The following CR1L variants were observed in gnomAD, a reference collection of about 807,000 sequenced individuals.
The protein encoded by CR1L is complement C3b/C4b receptor 1 like.
Under a neutral mutation model 62.3 loss-of-function variants are expected in CR1L, and 59 were observed. That is an observed-to-expected ratio of 0.95 (90% CI 0.77 to 1.18). The LOEUF (loss-of-function observed/expected upper bound fraction) is 1.18. CR1L is among the 50% of genes most tolerant of loss of function. The pLI is 0.00. For synonymous variants in CR1L, 279 were observed against 248.7 expected (o/e 1.12, Z -1.15); for missense variants, 700 against 702.8 (o/e 1.00, Z 0.04).
chr1:207,672,749 C>T (rs1663632621), intron 1 of CR1L, among the ~76,000 whole-genome samples: 1 of 152,062 alleles, frequency 6.6e-6, no homozygotes, highest in Admixed American at 6.6e-5. Flanking sequence ...CATGTAGGAT[C>T]TGATTTGGTT....
rs568861800 is a variant in CR1L, at chr1:207,693,360, TGCCCACCTGG to T, written c.464-989_464-980del. Among the ~76,000 whole-genome samples the T allele has an allele frequency of 5.0e-3, 758 of 152,304 alleles. 3 individuals carry two copies. Among genetic ancestry groups the T allele is most frequent in the Non-Finnish European group, 6.5e-3 (443 of 68,016 alleles). Reference sequence around the variant, plus strand: ...CTCAAACCCCTGACCTCAGGTGATCTGCCCACCTGGGCCACCCAAAGTGCTAAGATTACAG... The same window carrying T: ...CTCAAACCCCTGACCTCAGGTGATCTGCCACCCAAAGTGCTAAGATTACAG... On this transcript the variant is annotated intron_variant, in intron 4 of 11. Coordinates refer to ENST00000508064, the MANE Select transcript of CR1L (RefSeq NM_175710.2).
At chr1:207,650,867 C>T (rs1048368602) in intron 1 of CR1L, among the ~76,000 whole-genome samples, 2 of 151,558 alleles carry the variant, frequency 1.3e-5, no homozygotes, top group South Asian at 4.2e-4. Context: ...CTCACTGCAA[C>T]CTCTGCCACC....
chr1:207,691,763 T>C (rs929104816), intron 4 of CR1L, among the ~76,000 whole-genome samples: 4 of 152,250 alleles, frequency 2.6e-5, no homozygotes, highest in African/African-American at 9.6e-5. Context: ...GTACCCAAAC[T>C]ATTAATATTT....
chr1:207,681,659 A>G (rs939672861), intron 3 of CR1L, among the ~76,000 whole-genome samples: 1 of 152,204 alleles, frequency 6.6e-6, no homozygotes, highest in African/African-American at 2.4e-5. Context: ...AAAAATGCCA[A>G]TTTAAGTTTG....
intron 4 of CR1L, among the ~76,000 whole-genome samples, chr1:207,687,978 A>G (rs987617626): frequency 6.6e-6 from 1 of 151,964 alleles, no homozygotes; most frequent in Non-Finnish European, 1.5e-5. Flanking sequence ...TTTCTATTCT[A>G]CTTAGGCAAT....
At position 207,697,695 on chromosome 1, in the gene CR1L, T is replaced by A; in HGVS notation, c.1039+16T>A. 1 of 1,614,024 alleles carries A rather than the reference T, an allele frequency of 6.2e-7. No individual in the cohort carries two copies. The stretch of plus-strand genomic sequence containing the variant: ...AGATGTGAAGGTGACTAGACTCTTA[T>A]CTGGCTTGGTATTTTTAGCTTGCGT... On this transcript the variant is annotated intron_variant, in intron 6 of 11. Coordinates refer to ENST00000508064, the MANE Select transcript of CR1L (RefSeq NM_175710.2).
chr1:207,707,784 T>TGACACACACA (rs1558024543), intron 9 of CR1L, among the ~76,000 whole-genome samples: 8 of 48,626 alleles, frequency 1.6e-4, no homozygotes, highest in African/African-American at 7.7e-4. Context: ...TGGCATAGTA[T>TGACACACACA]TACACACACA....
chr1:207,719,376 G>A (rs1485999668), intron 11 of CR1L, among the ~76,000 whole-genome samples: 3 of 151,944 alleles, frequency 2.0e-5, no homozygotes, highest in African/African-American at 7.3e-5. Flanking sequence ...AGCAGTAGTG[G>A]TGGTTGTGAT....
intron 1 of CR1L, among the ~76,000 whole-genome samples, chr1:207,651,842 C>G (rs978026144): frequency 6.6e-6 from 1 of 152,152 alleles, no homozygotes; most frequent in Non-Finnish European, 1.5e-5. Context: ...AAAGGAAAAA[C>G]AATTCATGTA....
chr1:207,669,575 TG>T, intron 1 of CR1L: 1 of 1,486,494 alleles, frequency 6.7e-7, no homozygotes. Context: ...GGTGAAACGC[TG>T]GGGGGCGTGG....
At chr1:207,657,936 A>G (rs2102443581) in intron 1 of CR1L, among the ~76,000 whole-genome samples, 1 of 152,352 alleles carries the variant, frequency 6.6e-6, no homozygotes, top group East Asian at 1.9e-4. Context: ...AATCATTCAA[A>G]ATACATTATC....
intron 1 of CR1L, among the ~76,000 whole-genome samples, chr1:207,648,801 G>T (rs1663176760): frequency 6.6e-6 from 1 of 152,152 alleles, no homozygotes; most frequent in Non-Finnish European, 1.5e-5. Flanking sequence ...GTCCATATCT[G>T]GTCACCTGCC....
chr1:207,701,728 T>A, intron 9 of CR1L, 110 bp downstream of exon 9: 1 of 1,373,428 alleles, frequency 7.3e-7, no homozygotes, highest in Non-Finnish European at 1.0e-6. Context: ...CTTGAGAGGT[T>A]TGAACACAGG....
intron 4 of CR1L, among the ~76,000 whole-genome samples, chr1:207,684,611 G>A (rs596966): frequency 6.6e-6 from 1 of 152,222 alleles, no homozygotes; most frequent in East Asian, 1.9e-4. Flanking sequence ...TAAGAAACAT[G>A]AAATAGCTAT....
intron 10 of CR1L, among the ~76,000 whole-genome samples, chr1:207,710,220 T>C (rs1488166595): frequency 2.0e-5 from 3 of 152,074 alleles, no homozygotes; most frequent in African/African-American, 4.8e-5. Flanking sequence ...GGTGCGTGCC[T>C]GTAATCCCAG....
rs781270454 is a variant in CR1L at position 207,701,606 on chromosome 1, C to A, written c.1316C>A (p.Ser439Tyr). Residue 439 changes from serine (S) to tyrosine (Y), a missense_variant, in exon 9 of 12, where the codon TCT (serine) becomes TAT (tyrosine). By Grantham distance (144) the Ser-to-Tyr change is moderately radical (BLOSUM62 -2). Coordinates refer to ENST00000508064, the MANE Select transcript of CR1L (RefSeq NM_175710.2). ...CATGTTGGATCCAGAATCAACTATT[C>A]TTGTACTACAGGGTGAGTTGGCAGC... is the stretch of plus-strand genomic sequence containing the variant. ...DIHVGSRINY[S>Y]CTTGHRLIGH... 1 of 1,613,760 alleles carries A rather than the reference C, an allele frequency of 6.2e-7. No individual in the cohort carries two copies. Among genetic ancestry groups the A allele is most frequent in the Non-Finnish European group, 8.5e-7 (1 of 1,179,730 alleles).
rs553824400 is a variant in CR1L at position 207,669,507 on chromosome 1, C to G, written c.98-7882C>G. On this transcript the variant is annotated intron_variant, in intron 1 of 11. Coordinates refer to ENST00000508064, the MANE Select transcript of CR1L (RefSeq NM_175710.2). Reference sequence around the variant, plus strand: ...GGCAGCCGGCGCCCGGTCTCCCCTTCTGCTGCGGAGGATCCCTGCTGGCGG... The same window carrying G: ...GGCAGCCGGCGCCCGGTCTCCCCTTGTGCTGCGGAGGATCCCTGCTGGCGG... 3.2e-6 allele frequency: 5 copies of G among 1,582,716 alleles called. No individual in the cohort carries two copies. In the South Asian group the frequency reaches 5.6e-5, roughly 18 times the overall value.
At chr1:207,649,526 G>A (rs1176756729) in intron 1 of CR1L, among the ~76,000 whole-genome samples, 4 of 152,170 alleles carry the variant, frequency 2.6e-5, no homozygotes, top group Non-Finnish European at 5.9e-5. Flanking sequence ...ACAGTAGTAG[G>A]CAATTTCTTG....
intron 4 of CR1L, among the ~76,000 whole-genome samples, chr1:207,691,221 A>G (rs1663992563): frequency 6.6e-6 from 1 of 152,130 alleles, no homozygotes; most frequent in Non-Finnish European, 1.5e-5. Flanking sequence ...TGCTGAATTG[A>G]CTGTTTTATC....
Sources: allele counts gnomAD v4.1 joint callset (sites outside exome capture counted in the v4.1 genomes callset), GRCh38; gene constraint gnomAD v4.1.1; transcripts MANE v1.5; gene names NCBI Gene and HGNC (gene_info 2026-07-23, HGNC 2026-07-21).